SATB2: variants seen among roughly 807,000 people sequenced by gnomAD.
SATB2 encodes DNA-binding protein SATB2.
In SATB2, 1 loss-of-function variant was observed where a neutral mutation model predicts 73.4. That is an observed-to-expected ratio of 0.01 (90% confidence interval 0.00 to 0.06). The LOEUF is 0.06. SATB2 is among the 10% of genes least tolerant of loss of function. SATB2 has a pLI of 1.00. For synonymous variants in SATB2, 397 were observed against 367.0 expected (o/e 1.08, Z -0.93); for missense variants, 459 against 945.8 (o/e 0.49, Z 6.75).
rs1016065980 is a variant in SATB2 at position 199,455,665 on chromosome 2, C to T, written c.169+204G>A. Among the ~76,000 whole-genome samples the T allele has an allele frequency of 1.3e-5, 2 of 152,246 alleles. No individual in the cohort carries two copies. The highest frequency in any genetic ancestry group is 2.9e-5 in the Non-Finnish European group (2 of 68,048). On this transcript the variant is annotated intron_variant, in intron 2 of 10. Coordinates refer to ENST00000417098, the MANE Select transcript of SATB2 (RefSeq NM_001172509.2). The surrounding 1 kb of genome is among the most constrained non-coding windows in gnomAD (Gnocchi z 4.1). ...GTGGCAAAATGCCCAAAAAATGCCA[C>T]CCTCTGGGTAAAACCACTTTCTTGT...
At position 199,272,720 on chromosome 2, in the gene SATB2, CT is replaced by C; in HGVS notation, c.1741-49del. 6.5e-7 allele frequency: 1 copy of C among 1,530,170 alleles called. No individual in the cohort carries two copies. Among genetic ancestry groups the C allele is most frequent in the African/African-American group, 1.4e-5 (1 of 73,300 alleles). 94.8% of individuals were successfully genotyped at this position (1,530,170 alleles called of 1,614,324 possible). ...ATGAACACTGGACTCATGATTTTAC[CT>C]TTCCAAAACCATCAGCCCTCTGAAA... On this transcript the variant is annotated intron_variant, in intron 10 of 10. Transcript: ENST00000417098. This position sits in a 1 kb window ranked among gnomAD's most constrained non-coding sequence, Gnocchi z 6.7.
intron 10 of SATB2, among the ~76,000 whole-genome samples, chr2:199,278,369 C>T (rs894494436): frequency 5.9e-5 from 9 of 152,316 alleles, no homozygotes; most frequent in Admixed American, 3.3e-4. Context: ...AACAAACAAA[C>T]AAACGTTCAC....
At chr2:199,438,819 G>C (rs530809536) in intron 2 of SATB2, among the ~76,000 whole-genome samples, 68 of 152,268 alleles carry the variant, frequency 4.5e-4, no homozygotes, top group Middle Eastern at 6.8e-3. Context: ...TCTGTGACAG[G>C]GTTAGCATTA....
chr2:199,344,889 C>T (rs906431538), intron 7 of SATB2, among the ~76,000 whole-genome samples: 1 of 152,154 alleles, frequency 6.6e-6, no homozygotes, highest in African/African-American at 2.4e-5. Flanking sequence ...CTCCTGTCCC[C>T]ACTACTTTAA....
At chr2:199,371,788 G>C (rs1205938839) in intron 5 of SATB2, among the ~76,000 whole-genome samples, 2 of 152,066 alleles carry the variant, frequency 1.3e-5, no homozygotes, top group Admixed American at 6.5e-5. Context: ...CAACCAACTC[G>C]AGTATCTCTG....
upstream of SATB2, among the ~76,000 whole-genome samples, chr2:199,461,924 T>C (rs1421302098): frequency 6.6e-6 from 1 of 152,224 alleles, no homozygotes; most frequent in Non-Finnish European, 1.5e-5. Context: ...CTTTCGACCC[T>C]GGTCAACCTT....
At chr2:199,361,759 T>C (rs1689144435) in intron 6 of SATB2, among the ~76,000 whole-genome samples, 1 of 120,208 alleles carries the variant, frequency 8.3e-6, no homozygotes, top group South Asian at 2.8e-4. Flanking sequence ...AACCATTTCT[T>C]TTTTTTTTTT....
At chr2:199,281,270 G>A (rs962833232) in intron 10 of SATB2, among the ~76,000 whole-genome samples, 2 of 151,670 alleles carry the variant, frequency 1.3e-5, no homozygotes, top group Non-Finnish European at 2.9e-5. Context: ...ATGTATGTGT[G>A]TGTGTGTGTG....
chr2:199,455,943 G>A lies in SATB2; in HGVS notation c.95C>T (p.Ala32Val). 2.0e-6 allele frequency: 3 copies of A among 1,537,974 alleles called. No individual in the cohort carries two copies. Among genetic ancestry groups the A allele is most frequent in the Non-Finnish European group, 8.7e-7 (1 of 1,147,402 alleles). Residue 32 changes from alanine to valine, a missense_variant, in exon 2 of 11, where the codon GCC becomes GTC. Transcript: ENST00000417098. The surrounding 1 kb of genome is among the most constrained non-coding windows in gnomAD (Gnocchi z 4.1). ...DVKGPPPVKV[A>V]RLEQNGSPMG... ...GGGGCTGCCGTTCTGCTCCAGCCGGGCCACCTTCACTGGGGGAGGCCCCTT... is the reference window on the plus strand; with the variant it reads ...GGGGCTGCCGTTCTGCTCCAGCCGGACCACCTTCACTGGGGGAGGCCCCTT...
intron 9 of SATB2, 52 bp from the exon 10 acceptor site, chr2:199,309,009 A>C: frequency 6.7e-7 from 1 of 1,485,438 alleles, no homozygotes. Context: ...AGAGGAGCTG[A>C]GGGGGCCTTG....
intron 10 of SATB2, among the ~76,000 whole-genome samples, chr2:199,274,035 C>A (rs149186795): frequency 3.9e-5 from 6 of 152,340 alleles, no homozygotes; most frequent in Non-Finnish European, 8.8e-5. Context: ...AAGGCAAAGA[C>A]CACATTTCCT....
At chr2:199,449,155 A>AG (rs1692051867) in intron 2 of SATB2, among the ~76,000 whole-genome samples, 1 of 152,066 alleles carries the variant, frequency 6.6e-6, no homozygotes, top group African/African-American at 2.4e-5. Context: ...CATCAATTAA[A>AG]AAGGGGAAAA....
intron 10 of SATB2, among the ~76,000 whole-genome samples, chr2:199,283,791 T>G (rs1692603921): frequency 6.6e-6 from 1 of 152,030 alleles, no homozygotes. Context: ...TTGTATTACT[T>G]AAGTCTCAAT....
chr2:199,377,118 T>C (rs952310416), intron 5 of SATB2, among the ~76,000 whole-genome samples: 3 of 152,292 alleles, frequency 2.0e-5, no homozygotes, highest in African/African-American at 7.2e-5. Context: ...GGCTCACGCC[T>C]ATAATCCCAG....
chr2:199,296,267 G>C (rs960944214), intron 10 of SATB2, among the ~76,000 whole-genome samples: 1 of 152,104 alleles, frequency 6.6e-6, no homozygotes, highest in Admixed American at 6.5e-5. Flanking sequence ...TGTTGTTGTT[G>C]TTTATATTTT....
At chr2:199,403,219 TTA>T (rs2105894772) in intron 3 of SATB2, among the ~76,000 whole-genome samples, 1 of 152,274 alleles carries the variant, frequency 6.6e-6, no homozygotes, top group South Asian at 2.1e-4. Flanking sequence ...GTTCTGTAAA[TTA>T]TGTTATACTC....
chr2:199,460,652 A>G (rs2105965321), upstream of SATB2: 1 of 152,482 alleles, frequency 6.6e-6, no homozygotes, highest in East Asian at 1.9e-4. This position sits in a 1 kb window ranked among gnomAD's most constrained non-coding sequence, Gnocchi z 4.0. Context: ...GAGCTATTTT[A>G]TAAACACCAC....
At chr2:199,431,204 C>T (rs1006894469) in intron 3 of SATB2, among the ~76,000 whole-genome samples, 4 of 152,218 alleles carry the variant, frequency 2.6e-5, no homozygotes, top group Non-Finnish European at 5.9e-5. Context: ...TCACACGCTG[C>T]TGTTTATCCA....
intron 3 of SATB2, among the ~76,000 whole-genome samples, chr2:199,402,675 A>G (rs1297923686): frequency 6.6e-6 from 1 of 152,238 alleles, no homozygotes; most frequent in Non-Finnish European, 1.5e-5. Context: ...TCTCTTTCCT[A>G]AGCAGAGTGG....
Sources: allele counts gnomAD v4.1 joint callset (sites outside exome capture counted in the v4.1 genomes callset), GRCh38; gene constraint gnomAD v4.1.1; non-coding constraint Gnocchi (gnomAD v3.1); transcripts MANE v1.5; gene names NCBI Gene and HGNC (gene_info 2026-07-23, HGNC 2026-07-21).